The following MTA3 variants were observed in gnomAD, a reference collection of about 807,000 sequenced individuals.
MTA3 encodes metastasis associated 1 family member 3, also known as metastasis-associated protein MTA3.
Under a neutral mutation model 83.5 loss-of-function variants are expected in MTA3, and 34 were observed. The ratio of observed to expected loss-of-function variants is 0.41; its 90% confidence interval spans 0.31 to 0.54. The LOEUF (loss-of-function observed/expected upper bound fraction) is 0.54. Ranked by LOEUF, MTA3 falls within the 20% of genes least tolerant of loss-of-function variation. MTA3 has a pLI of 0.33. For missense variants in MTA3, 761 were observed against 726.4 expected (o/e 1.05, Z -0.55); for synonymous variants, 303 against 252.7 (o/e 1.20, Z -1.89).
intron 8 of MTA3, among the ~76,000 whole-genome samples, chr2:42,666,094 G>A (rs1306543034): frequency 2.0e-5 from 3 of 152,210 alleles, no homozygotes; most frequent in South Asian, 2.1e-4. Flanking sequence ...TGGCTAACAC[G>A]GTGAAACCCC....
At chr2:42,578,182 C>G (rs1679251619) in intron 2 of MTA3, among the ~76,000 whole-genome samples, 1 of 152,096 alleles carries the variant, frequency 6.6e-6, no homozygotes, top group South Asian at 2.1e-4. Context: ...AAAATTTGTT[C>G]TCACACTTGT....
chr2:42,732,329 C>T (rs1005299485), intron 16 of MTA3, among the ~76,000 whole-genome samples: 2 of 152,228 alleles, frequency 1.3e-5, no homozygotes, highest in African/African-American at 2.4e-5. Flanking sequence ...ACAGGCTCAA[C>T]ACCATGTGGA....
intron 2 of MTA3, among the ~76,000 whole-genome samples, chr2:42,518,725 C>G (rs1675268685): frequency 6.6e-6 from 1 of 151,964 alleles, no homozygotes; most frequent in Non-Finnish European, 1.5e-5. Flanking sequence ...TCCTGTAATC[C>G]CAACACTTTG....
chr2:42,511,431 T>C (rs1180610296), intron 2 of MTA3: 1 of 151,866 alleles, frequency 6.6e-6, no homozygotes, highest in Non-Finnish European at 1.5e-5. Flanking sequence ...AAAAATAATA[T>C]TTTTGCCGGG....
At chr2:42,532,346 C>T (rs1384948524) in intron 2 of MTA3, among the ~76,000 whole-genome samples, 3 of 152,078 alleles carry the variant, frequency 2.0e-5, no homozygotes, top group Non-Finnish European at 4.4e-5. Context: ...CCCATCTCTA[C>T]TAAAAACACA....
chr2:42,579,193 G>A lies in MTA3; in HGVS notation c.183G>A (p.Lys61=), dbSNP rs556567775. 27 of 1,591,802 alleles carry A rather than the reference G, an allele frequency of 1.7e-5. No individual in the cohort carries two copies. In the South Asian group the frequency reaches 2.9e-4, roughly 17 times the overall value. The change falls in exon 3 of 17, where the codon AAG becomes AAA. Residue 61 remains lysine, a synonymous_variant. Transcript: ENST00000405094. ...ACACACTTATAATGCTCGCAGATAA[G>A]CATGCTAGTAAGTTGTTTTTCTCTG... ...ISNTLIMLAD[K]HAKEIEEESE...
chr2:42,695,021 C>T lies in MTA3; in HGVS notation c.892-744C>T, dbSNP rs189702866. On this transcript the variant is annotated intron_variant, in intron 9 of 16. Transcript: ENST00000405094. ...CCGGGCATGGTGTCACACCTATAGT[C>T]CCAGCTGAGGAGGCTGAGGCAGGAG... is the stretch of plus-strand genomic sequence containing the variant. Among the ~76,000 whole-genome samples the T allele has an allele frequency of 7.2e-5, 11 of 152,092 alleles. No individual in the cohort carries two copies. The East Asian group carries it at 2.1e-3, about 29-fold the overall frequency.
chr2:42,532,738 GTTT>G (rs35421981), intron 2 of MTA3: 4 of 197,198 alleles, frequency 2.0e-5, no homozygotes, highest in Non-Finnish European at 2.0e-5. Context: ...CAATCCAGAG[GTTT>G]TTTTTTTTTT....
intron 2 of MTA3, among the ~76,000 whole-genome samples, chr2:42,517,960 C>A (rs1054941307): frequency 2.1e-4 from 32 of 151,130 alleles, no homozygotes; most frequent in African/African-American, 7.5e-4. Flanking sequence ...CCAAAGTGGG[C>A]AGATCACCTG....
At chr2:42,633,753 C>G (rs1350739368) in intron 4 of MTA3, among the ~76,000 whole-genome samples, 1 of 151,456 alleles carries the variant, frequency 6.6e-6, no homozygotes, top group Non-Finnish European at 1.5e-5. Context: ...AGTTAGCCGG[C>G]CGTGGTGGCG....
In MTA3 at chr2:42,754,680, G is replaced by C; in HGVS notation, c.*1281G>C. 2.0e-6 allele frequency: 2 copies of C among 985,518 alleles called. No individual in the cohort carries two copies. Among genetic ancestry groups the C allele is most frequent in the Non-Finnish European group, 2.4e-6 (2 of 829,978 alleles). 61.0% of individuals were successfully genotyped at this position (985,518 alleles called of 1,614,324 possible). On this transcript the variant is annotated 3_prime_UTR_variant, in exon 17 of 17. Coordinates refer to ENST00000405094, the MANE Select transcript of MTA3 (RefSeq NM_001330442.2). ...AAGACAACTGGAGTCTGATCTCCCA[G>C]CCATCTCTGGGGTTACTAGGAGGCA...
At chr2:42,626,870 A>G (rs1686153165) in intron 4 of MTA3, among the ~76,000 whole-genome samples, 1 of 151,618 alleles carries the variant, frequency 6.6e-6, no homozygotes, top group Non-Finnish European at 1.5e-5. Flanking sequence ...CCTCCCAAGT[A>G]GTTGGGATTA....
intron 2 of MTA3, among the ~76,000 whole-genome samples, chr2:42,496,659 G>A (rs775624868): frequency 3.2e-4 from 46 of 145,290 alleles, no homozygotes; most frequent in Non-Finnish European, 5.5e-4. Context: ...CCTCCCCTCC[G>A]AAGTTACAAA....
At chr2:42,726,400 A>C (rs1667822380) in intron 16 of MTA3, among the ~76,000 whole-genome samples, 1 of 151,232 alleles carries the variant, frequency 6.6e-6, no homozygotes, top group Non-Finnish European at 1.5e-5. Context: ...ACATGTGCAC[A>C]ATGTGCAGGT....
chr2:42,692,420 CT>C (rs796332869), intron 9 of MTA3, among the ~76,000 whole-genome samples: 1,663 of 130,586 alleles, frequency 0.013, 13 homozygotes, highest in African/African-American at 0.038. Context: ...ATCTTGAATT[CT>C]TTTTTTTTTT....
intron 3 of MTA3, among the ~76,000 whole-genome samples, chr2:42,606,343 C>T (rs1273852417): frequency 1.5e-5 from 2 of 137,442 alleles, no homozygotes; most frequent in East Asian, 2.3e-4. Context: ...ACCTCTCAGA[C>T]GGGGCAGCTG....
intron 4 of MTA3, among the ~76,000 whole-genome samples, chr2:42,612,294 A>G (rs924653402): frequency 2.6e-5 from 4 of 152,124 alleles, no homozygotes; most frequent in Non-Finnish European, 5.9e-5. Context: ...AGCTCACTGC[A>G]GCCTTAAACT....
chr2:42,500,912 G>C (rs540597472), intron 2 of MTA3, among the ~76,000 whole-genome samples: 1 of 150,572 alleles, frequency 6.6e-6, no homozygotes, highest in African/African-American at 2.4e-5. Flanking sequence ...CCGGGTTCAC[G>C]CCATTCTCCT....
chr2:42,512,025 T>A (rs1381836521), intron 2 of MTA3, among the ~76,000 whole-genome samples: 17 of 151,120 alleles, frequency 1.1e-4, no homozygotes, highest in African/African-American at 2.9e-4. Flanking sequence ...TCAAAAAAAA[T>A]AAATAAATAA....
Sources: allele counts gnomAD v4.1 joint callset (sites outside exome capture counted in the v4.1 genomes callset), GRCh38; gene constraint gnomAD v4.1.1; transcripts MANE v1.5; gene names NCBI Gene and HGNC (gene_info 2026-07-23, HGNC 2026-07-21).